WDR93: variants seen among roughly 807,000 people sequenced by gnomAD.
WDR93 encodes the protein WD repeat domain 93, also known as WD repeat-containing protein 93.
In WDR93, 73 loss-of-function variants were observed where a neutral mutation model predicts 82.9. The observed-to-expected ratio is 0.88, with a 90% CI of 0.73 to 1.07. WDR93 has a LOEUF of 1.07. Ranked by LOEUF, WDR93 falls within the 50% of genes least tolerant of loss-of-function variation. The probability of loss-of-function intolerance (pLI) is 0.00; values close to 1 mark genes in which losing one functional copy is unlikely to be tolerated. For missense variants in WDR93, 738 were observed against 826.0 expected, an observed-to-expected ratio of 0.89 and a Z score of 1.31; for synonymous variants, 283 against 300.1, an observed-to-expected ratio of 0.94 and a Z score of 0.59.
intron 16 of WDR93, among the ~76,000 whole-genome samples, chr15:89,739,082 C>G (rs1296352367): frequency 6.6e-6 from 1 of 150,472 alleles, no homozygotes; most frequent in Non-Finnish European, 1.5e-5. Context: ...TGCCATTGCA[C>G]TCCAGCCTGG....
At chr15:89,723,752 A>G (rs1427052888) in intron 8 of WDR93, among the ~76,000 whole-genome samples, 1 of 152,224 alleles carries the variant, frequency 6.6e-6, no homozygotes, top group Non-Finnish European at 1.5e-5. Flanking sequence ...CTCTGGAGAA[A>G]GGGTGGCCAT....
In WDR93 at chr15:89,738,176, A is replaced by T. The variant is rs756218399; in HGVS notation, c.1901A>T (p.Asn634Ile). The T allele has an allele frequency of 3.7e-6, 6 of 1,614,166 alleles. No homozygotes were observed. The highest frequency in any genetic ancestry group is 5.1e-6 in the Non-Finnish European group (6 of 1,180,002). The change falls in exon 16 of 17, where the codon AAC becomes ATC. Residue 634 changes from asparagine (N) to isoleucine (I), a missense_variant. Coordinates refer to ENST00000268130, the MANE Select transcript of WDR93 (RefSeq NM_020212.2). ...ACCATTCCTCAAAGGGACTTGGATAACATGGCCTTCCCCCAAGCACTGCCA... is the reference window on the plus strand; with the variant it reads ...ACCATTCCTCAAAGGGACTTGGATATCATGGCCTTCCCCCAAGCACTGCCA... ...NCTIPQRDLDNMAFPQALPLE... is the reference protein window; with the variant it reads ...NCTIPQRDLDIMAFPQALPLE...
At chr15:89,706,688 AT>A (rs1055393480) in intron 4 of WDR93, among the ~76,000 whole-genome samples, 17 of 152,154 alleles carry the variant, frequency 1.1e-4, no homozygotes, top group Non-Finnish European at 8.8e-5. Flanking sequence ...CCACAGAGGA[AT>A]TTTTTTGCTA....
chr15:89,728,726 G>A (rs1966832761), intron 9 of WDR93, among the ~76,000 whole-genome samples: 1 of 152,090 alleles, frequency 6.6e-6, no homozygotes, highest in South Asian at 2.1e-4. Context: ...GCTCTTTAAG[G>A]ACATCTTCCC....
At chr15:89,712,670 T>C (rs1487520342) in intron 5 of WDR93, among the ~76,000 whole-genome samples, 2 of 151,860 alleles carry the variant, frequency 1.3e-5, no homozygotes, top group African/African-American at 4.8e-5. Flanking sequence ...TATCAAGGGG[T>C]ACATGATAGC....
Position 89,743,435 on chromosome 15 carries a change from C to T in WDR93, c.*44C>T, listed in dbSNP as rs55740646. Reference sequence around the variant, plus strand: ...ATCTCTGAAAAGGAGGTTTCAGCCACGAGGCAGCTGCTCCCAGGACACTGA... The same window carrying T: ...ATCTCTGAAAAGGAGGTTTCAGCCATGAGGCAGCTGCTCCCAGGACACTGA... On this transcript the variant is annotated 3_prime_UTR_variant, in exon 17 of 17. Coordinates refer to ENST00000268130, the MANE Select transcript of WDR93 (RefSeq NM_020212.2). 6,752 of 1,590,618 alleles carry T rather than the reference C, an allele frequency of 4.2e-3. 268 individuals carry two copies. In the African/African-American group the frequency reaches 0.078, roughly 18 times the overall value.
intron 3 of WDR93, chr15:89,704,634 G>A (rs772721729): frequency 6.6e-6 from 1 of 152,066 alleles, no homozygotes; most frequent in Non-Finnish European, 1.5e-5. Context: ...AACAGTTATG[G>A]GAAAATAAGA....
intron 1 of WDR93, among the ~76,000 whole-genome samples, chr15:89,694,248 CTTT>C (rs907842374): frequency 4.0e-5 from 5 of 125,166 alleles, no homozygotes; most frequent in African/African-American, 9.0e-5. Flanking sequence ...TGGGTTATTT[CTTT>C]TTTTTTTTTT....
At chr15:89,738,883 G>A (rs563888973) in intron 16 of WDR93, among the ~76,000 whole-genome samples, 12 of 152,232 alleles carry the variant, frequency 7.9e-5, no homozygotes, top group Admixed American at 3.9e-4. Context: ...GGGAGGCCGA[G>A]GTGGGCAGAT....
chr15:89,743,053 G>A (rs759701447), intron 16 of WDR93, among the ~76,000 whole-genome samples: 16 of 152,084 alleles, frequency 1.1e-4, no homozygotes, highest in African/African-American at 2.2e-4. Flanking sequence ...TCCTCAGCTC[G>A]CCATCCTGTC....
intron 3 of WDR93, 105 bp downstream of exon 3, chr15:89,703,247 C>G (rs1219237642): frequency 4.2e-6 from 5 of 1,204,512 alleles, no homozygotes; most frequent in Non-Finnish European, 4.9e-6. Flanking sequence ...ATGGAGACTT[C>G]TCCCTGGTCA....
At chr15:89,694,229 A>G (rs942049673) in intron 1 of WDR93, among the ~76,000 whole-genome samples, 1 of 151,082 alleles carries the variant, frequency 6.6e-6, no homozygotes, top group Non-Finnish European at 1.5e-5. Flanking sequence ...GCACATATTT[A>G]AAAATTGTTG....
At chr15:89,732,448 A>G (rs1596116858) in intron 12 of WDR93, among the ~76,000 whole-genome samples, 1 of 152,234 alleles carries the variant, frequency 6.6e-6, no homozygotes, top group East Asian at 1.9e-4. Context: ...CACACTGCTA[A>G]GATAAACACC....
chr15:89,691,990 A>G (rs1964912764), intron 1 of WDR93, among the ~76,000 whole-genome samples: 1 of 152,232 alleles, frequency 6.6e-6, no homozygotes, highest in Non-Finnish European at 1.5e-5. Context: ...CTGGAAACAC[A>G]GCTGGAATAT....
chr15:89,733,316 A>G (rs1966904008), intron 13 of WDR93, 97 bp downstream of exon 13: 1 of 1,148,356 alleles, frequency 8.7e-7, no homozygotes, highest in Admixed American at 2.2e-5. Context: ...ACTACAGTCC[A>G]CCTTTTGTAT....
At chr15:89,722,319 T>G (rs545942773) in intron 8 of WDR93, among the ~76,000 whole-genome samples, 180 bp downstream of exon 8, 1 of 152,208 alleles carries the variant, frequency 6.6e-6, no homozygotes, top group Non-Finnish European at 1.5e-5. Flanking sequence ...ATGTAAGTAA[T>G]GCATTTGTAT....
chr15:89,737,805 T>G, intron 15 of WDR93, 76 bp downstream of exon 15: 2 of 1,573,086 alleles, frequency 1.3e-6, no homozygotes, highest in Admixed American at 1.8e-5. Flanking sequence ...AGAGAGCCCC[T>G]CCGATCTCCT....
chr15:89,717,222 G>A (rs1966306864), intron 7 of WDR93, among the ~76,000 whole-genome samples: 1 of 151,482 alleles, frequency 6.6e-6, no homozygotes, highest in Non-Finnish European at 1.5e-5. Context: ...ACCACGCCCG[G>A]CTAATATTGT....
At chr15:89,716,709 C>T (rs994885754) in intron 6 of WDR93, among the ~76,000 whole-genome samples, 9 of 152,224 alleles carry the variant, frequency 5.9e-5, no homozygotes, top group Non-Finnish European at 1.2e-4. Context: ...TCCCCACCTA[C>T]CTTTTAAGAT....
Sources: allele counts gnomAD v4.1 joint callset (sites outside exome capture counted in the v4.1 genomes callset), GRCh38; gene constraint gnomAD v4.1.1; transcripts MANE v1.5; gene names NCBI Gene and HGNC (gene_info 2026-07-23, HGNC 2026-07-21).